HIVEP2: variants seen among roughly 807,000 people sequenced by gnomAD.
The protein encoded by HIVEP2 is HIVEP zinc finger 2.
In HIVEP2, 14 loss-of-function variants were observed where a neutral mutation model predicts 180.7. That is an observed-to-expected ratio of 0.08 (90% CI 0.05 to 0.12). HIVEP2 has a LOEUF of 0.12. Ranked by LOEUF, HIVEP2 falls within the 10% of genes least tolerant of loss-of-function variation. HIVEP2 has a pLI of 1.00. For synonymous variants in HIVEP2, 1,184 were observed against 1,136.4 expected, an observed-to-expected ratio of 1.04 and a Z score of -0.84; for missense variants, 2,579 against 3,008.5, an observed-to-expected ratio of 0.86 and a Z score of 3.34.
rs752370478 is a variant in HIVEP2, at chr6:142,768,404, G to A, written c.5320C>T (p.Arg1774Ter). ...TACCCTCCTTCAAATATTTTAATTC[G>A]GATTGGCTCAGTTTGTTTGGATCCA... ...DIGSKQTEPI[R>*]IKIFEGGYKS... Residue 1774 changes from arginine (R) to a stop codon, truncating the protein, a stop_gained, in exon 6 of 10, where the codon CGA becomes TGA. Transcript: ENST00000367603. LOFTEE classifies it high-confidence loss of function. The A allele has an allele frequency of 1.2e-6, 2 of 1,610,086 alleles. No individual in the cohort carries two copies. The highest frequency in any genetic ancestry group is 1.3e-5 in the African/African-American group (1 of 74,666).
intron 1 of HIVEP2, among the ~76,000 whole-genome samples, chr6:142,860,126 T>TA (rs1775936592): frequency 6.6e-6 from 1 of 151,976 alleles, no homozygotes. Flanking sequence ...TTCTGAACTG[T>TA]AAAAAAGATA....
In HIVEP2 at chr6:142,770,788, A is replaced by G; in HGVS notation, c.3951T>C (p.Asp1317=). 6.2e-7 allele frequency: 1 copy of G among 1,614,192 alleles called. No homozygotes were observed. Among genetic ancestry groups the G allele is most frequent in the Non-Finnish European group, 8.5e-7 (1 of 1,180,038 alleles). The change falls in exon 5 of 10, where the codon GAT becomes GAC. Residue 1317 remains aspartate (D), a synonymous_variant. Coordinates refer to ENST00000367603, the MANE Select transcript of HIVEP2 (RefSeq NM_006734.4). The surrounding 1 kb of genome is among the most constrained non-coding windows in gnomAD (Gnocchi z 4.7). ...AAGACCCAGCATTTGCCGAGGCAAA[A>G]TCTTCTTGAAGAACCTGCTCAGAGG... ...ETPSEQVLQE[D]FASANAGSLQ...
chr6:142,928,997 T>C (rs1777881057), intron 1 of HIVEP2, among the ~76,000 whole-genome samples: 1 of 152,244 alleles, frequency 6.6e-6, no homozygotes, highest in Admixed American at 6.5e-5. Flanking sequence ...TATCCAATCC[T>C]AGGAAATACT....
chr6:142,819,138 G>A (rs1171650111), intron 2 of HIVEP2, among the ~76,000 whole-genome samples: 1 of 152,040 alleles, frequency 6.6e-6, no homozygotes. Flanking sequence ...GGAGGCTGAG[G>A]CAGGAGGGTT....
intron 2 of HIVEP2, among the ~76,000 whole-genome samples, chr6:142,831,177 C>T (rs1021985981): frequency 1.3e-5 from 2 of 152,114 alleles, no homozygotes; most frequent in Admixed American, 1.3e-4. Flanking sequence ...GCCACAAGGG[C>T]ACCATGATGC....
At chr6:142,896,068 G>A (rs1374187870) in intron 1 of HIVEP2, among the ~76,000 whole-genome samples, 2 of 152,072 alleles carry the variant, frequency 1.3e-5, no homozygotes, top group Non-Finnish European at 2.9e-5. Context: ...CTAAAACTTA[G>A]AATGTGACCT....
intron 6 of HIVEP2, among the ~76,000 whole-genome samples, chr6:142,768,061 T>A (rs890922683): frequency 6.6e-6 from 1 of 152,196 alleles, no homozygotes; most frequent in African/African-American, 2.4e-5. Flanking sequence ...CAAATACCTA[T>A]AAAATGATCA....
chr6:142,929,250 GCT>G (rs1265852467), intron 1 of HIVEP2, among the ~76,000 whole-genome samples: 1 of 152,116 alleles, frequency 6.6e-6, no homozygotes, highest in East Asian at 1.9e-4. Flanking sequence ...CAAAATTCAT[GCT>G]CTCTGGTCTA....
In HIVEP2 at chr6:142,873,926, C is replaced by T. The variant is rs1244676189; in HGVS notation, c.-640-36879G>A. Reference sequence around the variant, plus strand: ...GATCTGACCAACATCAAAAGAAACACACAGTTGCACCAATCCCTGAGCAGT... The same window carrying T: ...GATCTGACCAACATCAAAAGAAACATACAGTTGCACCAATCCCTGAGCAGT... On this transcript the variant is annotated intron_variant, in intron 1 of 9. Coordinates refer to ENST00000367603, the MANE Select transcript of HIVEP2 (RefSeq NM_006734.4). Among the ~76,000 whole-genome samples, 5 of 152,088 alleles carry T rather than the reference C, an allele frequency of 3.3e-5. No individual in the cohort carries two copies. In the South Asian group the frequency reaches 8.3e-4, roughly 25 times the overall value.
At chr6:142,912,608 A>G (rs941942643) in intron 1 of HIVEP2, among the ~76,000 whole-genome samples, 14 of 152,210 alleles carry the variant, frequency 9.2e-5, no homozygotes, top group Non-Finnish European at 1.9e-4. Context: ...TGGGCAAGCG[A>G]GCATTACTGC....
At chr6:142,923,323 T>A (rs138675310) in intron 1 of HIVEP2, among the ~76,000 whole-genome samples, 2 of 150,298 alleles carry the variant, frequency 1.3e-5, no homozygotes, top group East Asian at 3.9e-4. Context: ...AGAGCAAGAC[T>A]CCGTCTCAAA....
chr6:142,823,693 A>G (rs182641760), intron 2 of HIVEP2, among the ~76,000 whole-genome samples: 4 of 152,344 alleles, frequency 2.6e-5, no homozygotes, highest in Admixed American at 2.6e-4. Context: ...TGGCACTTGA[A>G]GAGTGTTTCG....
chr6:142,938,132 G>A (rs1452330548), intron 1 of HIVEP2, among the ~76,000 whole-genome samples: 2 of 152,128 alleles, frequency 1.3e-5, no homozygotes, highest in African/African-American at 2.4e-5. Context: ...TTCCAAATGA[G>A]GTCCAAAGAG....
intron 2 of HIVEP2, among the ~76,000 whole-genome samples, chr6:142,786,861 C>T (rs1267476471): frequency 6.6e-6 from 1 of 152,162 alleles, no homozygotes; most frequent in Non-Finnish European, 1.5e-5. Flanking sequence ...CTCTCAAGTA[C>T]CTCCCATCAC....
rs115730963 is a variant in HIVEP2 at position 142,759,741 on chromosome 6, T to C, written c.6516+31A>G. 7.0e-4 allele frequency: 1,077 copies of C among 1,542,482 alleles called. 7 individuals carry two copies. The African/African-American group carries it at 0.012, about 17-fold the overall frequency. ...AGGAGGACCAATGTGCTTCCACTTATGTATTAGAAAGAAAAGTGGATTATA... is the reference window on the plus strand; with the variant it reads ...AGGAGGACCAATGTGCTTCCACTTACGTATTAGAAAGAAAAGTGGATTATA... On this transcript the variant is annotated intron_variant, in intron 9 of 9. Coordinates refer to ENST00000367603, the MANE Select transcript of HIVEP2 (RefSeq NM_006734.4).
chr6:142,793,231 ACT>A (rs1776183680), intron 2 of HIVEP2, among the ~76,000 whole-genome samples: 1 of 152,160 alleles, frequency 6.6e-6, no homozygotes, highest in African/African-American at 2.4e-5. Flanking sequence ...TAGATTTAAG[ACT>A]GTTATATTTT....
chr6:142,945,254 A>G (rs971217901), upstream of HIVEP2: 1 of 151,384 alleles, frequency 6.6e-6, no homozygotes, highest in South Asian at 2.1e-4. This position sits in a 1 kb window ranked among gnomAD's most constrained non-coding sequence, Gnocchi z 5.5. Flanking sequence ...GCCTCCCCTC[A>G]TCTGCATAGA....
intron 1 of HIVEP2, among the ~76,000 whole-genome samples, chr6:142,931,042 T>A (rs1777932574): frequency 6.6e-6 from 1 of 152,112 alleles, no homozygotes; most frequent in Non-Finnish European, 1.5e-5. Context: ...ATCTCAACTC[T>A]CTTCTAATAT....
At chr6:142,823,682 A>G (rs868622793) in intron 2 of HIVEP2, among the ~76,000 whole-genome samples, 1 of 152,210 alleles carries the variant, frequency 6.6e-6, no homozygotes, top group Non-Finnish European at 1.5e-5. Context: ...ACAATTGCAC[A>G]TGGCACTTGA....
Sources: gnomAD v4.1 joint callset for allele counts (sites outside exome capture counted in the v4.1 genomes callset) on GRCh38, gnomAD v4.1.1 for gene constraint, Gnocchi (gnomAD v3.1) non-coding constraint, MANE v1.5 for transcripts, NCBI Gene and HGNC (gene_info 2026-07-23, HGNC 2026-07-21) for gene names.